CLMN: variants seen among roughly 807,000 people sequenced by gnomAD.
CLMN encodes the protein calmin, also known as calmin (calponin-like, transmembrane).
A neutral mutation model predicts 92.7 loss-of-function variants in CLMN; 57 were observed. The observed-to-expected ratio is 0.61, with a 90% CI of 0.50 to 0.77. CLMN has a LOEUF of 0.77. Ranked by LOEUF, CLMN falls within the 30% of genes least tolerant of loss-of-function variation. The probability of loss-of-function intolerance (pLI) is 0.00; values close to 1 mark genes in which losing one functional copy is unlikely to be tolerated. For synonymous variants in CLMN, 466 were observed against 470.6 expected (o/e 0.99, Z 0.13); for missense variants, 1,158 against 1,237.5 (o/e 0.94, Z 0.96).
At chr14:95,272,003 T>G (rs1173058396) in intron 1 of CLMN, among the ~76,000 whole-genome samples, 1 of 152,254 alleles carries the variant, frequency 6.6e-6, no homozygotes, top group African/African-American at 2.4e-5. Context: ...TGCTATGAAT[T>G]ATTCCACAGT....
In CLMN at chr14:95,319,896, G is replaced by C. The variant is rs1219590978; in HGVS notation, c.-104C>G. On this transcript the variant is annotated 5_prime_UTR_variant, in exon 1 of 13. Transcript: ENST00000298912. ...GCACGCACCCGGCGAGGGCGCCGCG[G>C]AGCTGGAGTCGCGGCGGGCGCGGGC... is the stretch of plus-strand genomic sequence containing the variant. 1,430 of 466,382 alleles carry C rather than the reference G, an allele frequency of 3.1e-3. 7 individuals carry two copies. Among genetic ancestry groups the C allele is most frequent in the Middle Eastern group, 5.2e-3 (5 of 960 alleles). The allele number at this position is 466,382 out of a possible 1,614,324, so 28.9% of individuals were successfully genotyped here. A position where few individuals can be genotyped will look rare whatever the true frequency, so the allele number is the denominator to read the frequency against.
At chr14:95,281,667 G>A (rs1900149165) in intron 1 of CLMN, among the ~76,000 whole-genome samples, 1 of 152,186 alleles carries the variant, frequency 6.6e-6, no homozygotes, top group African/African-American at 2.4e-5. Flanking sequence ...TATCAGCTTG[G>A]TTCCAACAAT....
At chr14:95,207,061 G>A (rs1322517530) in intron 8 of CLMN, among the ~76,000 whole-genome samples, 2 of 151,778 alleles carry the variant, frequency 1.3e-5, no homozygotes, top group African/African-American at 2.4e-5. Flanking sequence ...TGGCAGGGCT[G>A]GATCCCTTTC....
At chr14:95,304,064 G>A (rs762599416) in intron 1 of CLMN, among the ~76,000 whole-genome samples, 2 of 152,232 alleles carry the variant, frequency 1.3e-5, no homozygotes, top group African/African-American at 4.8e-5. Flanking sequence ...TCAGCCAGAC[G>A]TGGTGGCTCA....
intron 1 of CLMN, among the ~76,000 whole-genome samples, chr14:95,284,462 C>T (rs568219460): frequency 6.6e-6 from 1 of 152,152 alleles, no homozygotes; most frequent in East Asian, 1.9e-4. Context: ...ACAGCTTACA[C>T]CATGTGCCTG....
intron 9 of CLMN, among the ~76,000 whole-genome samples, chr14:95,198,379 A>G (rs904993001): frequency 3.3e-5 from 5 of 151,284 alleles, no homozygotes; most frequent in African/African-American, 1.2e-4. Context: ...AAGGCAAGGT[A>G]TCAGAGAAAT....
intron 2 of CLMN, among the ~76,000 whole-genome samples, chr14:95,226,496 C>G (rs1897715779): frequency 6.6e-6 from 1 of 152,080 alleles, no homozygotes; most frequent in South Asian, 2.1e-4. Flanking sequence ...AAGGTTTCTA[C>G]TGTCTAAACA....
chr14:95,202,203 G>A (rs1187572722), intron 9 of CLMN, among the ~76,000 whole-genome samples: 1 of 152,098 alleles, frequency 6.6e-6, no homozygotes, highest in Non-Finnish European at 1.5e-5. Flanking sequence ...TCCCACCAAT[G>A]GTGTAAAAGC....
intron 1 of CLMN, among the ~76,000 whole-genome samples, chr14:95,289,076 T>C (rs1900451757): frequency 6.6e-6 from 1 of 152,214 alleles, no homozygotes; most frequent in African/African-American, 2.4e-5. Context: ...GAGCTGCTTG[T>C]GTTCCAGATG....
chr14:95,295,939 T>C (rs188277020), intron 1 of CLMN, among the ~76,000 whole-genome samples: 294 of 152,352 alleles, frequency 1.9e-3, no homozygotes, highest in Non-Finnish European at 3.7e-3. Context: ...GCCACAAATG[T>C]GGTTGCTGAA....
chr14:95,243,572 T>A (rs1380486977), intron 1 of CLMN, among the ~76,000 whole-genome samples: 1 of 152,132 alleles, frequency 6.6e-6, no homozygotes, highest in Non-Finnish European at 1.5e-5. Context: ...AATTTTTCCT[T>A]TGTTTGAAGA....
chr14:95,300,280 G>A (rs1029541092), intron 1 of CLMN, among the ~76,000 whole-genome samples: 9 of 152,240 alleles, frequency 5.9e-5, no homozygotes, highest in Non-Finnish European at 1.2e-4. Flanking sequence ...AAAGCACATA[G>A]ATGAGTAAAA....
intron 12 of CLMN, chr14:95,192,298 T>C (rs1277843945): frequency 6.6e-6 from 1 of 152,244 alleles, no homozygotes; most frequent in Non-Finnish European, 1.5e-5. Flanking sequence ...TTTGGAATAT[T>C]ACCTTTAAAA....
intron 1 of CLMN, among the ~76,000 whole-genome samples, chr14:95,269,435 T>C (rs984657778): frequency 2.6e-5 from 4 of 152,364 alleles, no homozygotes. Context: ...GGGAAAATAA[T>C]ATGCTTCACC....
chr14:95,281,312 G>T (rs1841339728), intron 1 of CLMN, among the ~76,000 whole-genome samples: 1 of 152,124 alleles, frequency 6.6e-6, no homozygotes, highest in South Asian at 2.1e-4. Context: ...AGGCTATATG[G>T]CAAATAATTA....
chr14:95,289,320 A>T (rs1180567418), intron 1 of CLMN, among the ~76,000 whole-genome samples: 2 of 151,996 alleles, frequency 1.3e-5, no homozygotes, highest in Non-Finnish European at 2.9e-5. Flanking sequence ...GTGAAACTCC[A>T]TCTCTGCTAA....
chr14:95,249,824 A>G (rs955048763), intron 1 of CLMN, among the ~76,000 whole-genome samples: 1 of 152,080 alleles, frequency 6.6e-6, no homozygotes, highest in Non-Finnish European at 1.5e-5. Flanking sequence ...TGATCTCCTG[A>G]CTTCATGATC....
rs1896979169 is a variant in CLMN, at chr14:95,204,261, CG to C, written c.1087del (p.Arg363AlafsTer95). 6.2e-7 allele frequency: 1 copy of C among 1,613,902 alleles called. No homozygotes were observed. The highest frequency in any genetic ancestry group is 1.3e-5 in the African/African-American group (1 of 74,854). The part of the protein sequence containing the change: ...CDKPESMKEF[R>X]LDGVSSHALS... ...CGCATGGCTGGAAACACCATCCAGGCGGAATTCCTTCATGCTCTCGGGCTTG... is the reference window on the plus strand; with the variant it reads ...CGCATGGCTGGAAACACCATCCAGGCGAATTCCTTCATGCTCTCGGGCTTG... On this transcript the variant is annotated frameshift_variant, in exon 9 of 13. Transcript: ENST00000298912. LOFTEE classifies it high-confidence loss of function.
chr14:95,251,457 ATTCTT>A (rs1898782659), intron 1 of CLMN, among the ~76,000 whole-genome samples: 1 of 152,206 alleles, frequency 6.6e-6, no homozygotes, highest in Admixed American at 6.5e-5. Flanking sequence ...TATAAATACA[ATTCTT>A]TTGTTACAGA....
Sources: gnomAD v4.1 joint callset for allele counts (sites outside exome capture counted in the v4.1 genomes callset) on GRCh38, gnomAD v4.1.1 for gene constraint, MANE v1.5 for transcripts, NCBI Gene and HGNC (gene_info 2026-07-23, HGNC 2026-07-21) for gene names.